Variants in ALAS1 observed in about 807,000 individuals in gnomAD.
ALAS1 encodes the protein 5-aminolevulinate synthase, non-specific, mitochondrial.
A neutral mutation model predicts 59.6 loss-of-function variants in ALAS1; 29 were observed. The observed-to-expected ratio is 0.49, with a 90% CI of 0.36 to 0.66. ALAS1 has a LOEUF of 0.66. Among genes scored for constraint, ALAS1 ranks in the 30% least tolerant of loss-of-function variants. ALAS1 has a pLI of 0.00. For missense variants in ALAS1, 690 were observed against 807.5 expected (o/e 0.85, Z 1.76); for synonymous variants, 299 against 296.6 (o/e 1.01, Z -0.08).
At chr3:52,200,845 C>T (rs190077748) in intron 3 of ALAS1, among the ~76,000 whole-genome samples, 93 of 152,124 alleles carry the variant, frequency 6.1e-4, no homozygotes, top group Middle Eastern at 3.4e-3. Context: ...TTTTCTTAGG[C>T]GTGTTCTCTG....
chr3:52,206,895 T>G (rs183372382), intron 8 of ALAS1, 144 bp downstream of exon 8: 8 of 869,292 alleles, frequency 9.2e-6, no homozygotes. Context: ...AGTGCAGTGG[T>G]GCGATCTCGA....
intron 9 of ALAS1, among the ~76,000 whole-genome samples, chr3:52,209,972 ACCTGG>A (rs745738035): frequency 2.4e-4 from 36 of 152,284 alleles, no homozygotes; most frequent in Non-Finnish European, 4.0e-4. Flanking sequence ...GAGCCACTGC[ACCTGG>A]CCTCTTCTGG....
In ALAS1 at chr3:52,204,845, C is replaced by A. The variant is rs772639657; in HGVS notation, c.730C>A (p.Gln244Lys). 6.2e-7 allele frequency: 1 copy of A among 1,614,170 alleles called. No individual in the cohort carries two copies. Among genetic ancestry groups the A allele is most frequent in the Non-Finnish European group, 8.5e-7 (1 of 1,180,018 alleles). Residue 244 changes from glutamine to lysine, a missense_variant, in exon 6 of 12, where the codon CAA becomes AAA. Physicochemically the swap from Gln to Lys is moderately conservative, Grantham distance 53 (BLOSUM62 1). Transcript: ENST00000484952. ...DYSDSLITKK[Q>K]VSVWCSNDYL... ...TTCAGACTCCCTCATCACCAAAAAGCAAGTGTCAGTCTGGTGCAGTAATGA... is the reference window on the plus strand; with the variant it reads ...TTCAGACTCCCTCATCACCAAAAAGAAAGTGTCAGTCTGGTGCAGTAATGA...
rs771454351 is a variant in ALAS1, at chr3:52,208,215, T to C, written c.1298T>C (p.Met433Thr). 6.2e-7 allele frequency: 1 copy of C among 1,614,196 alleles called. No homozygotes were observed. The highest frequency in any genetic ancestry group is 8.5e-7 in the Non-Finnish European group (1 of 1,180,020). ...GGGATTGGGGATCGGGATGGAGTCA[T>C]GCCAAAAATGGACATCATTTCTGGA... Reference protein sequence around the residue: ...GGGIGDRDGVMPKMDIISGTL... With the variant: ...GGGIGDRDGVTPKMDIISGTL... The change falls in exon 9 of 12, where the codon ATG (methionine) becomes ACG (threonine). Residue 433 changes from methionine (M) to threonine (T), a missense_variant. Physicochemically the swap from Met to Thr is moderately conservative, Grantham distance 81. Coordinates refer to ENST00000484952, the MANE Select transcript of ALAS1 (RefSeq NM_000688.6).
intron 9 of ALAS1, among the ~76,000 whole-genome samples, chr3:52,208,491 C>A (rs1453662915): frequency 1.3e-5 from 2 of 152,196 alleles, no homozygotes; most frequent in East Asian, 1.9e-4. Flanking sequence ...TCATTTCAGA[C>A]ATAGTTGTGG....
rs926277816 is a variant in ALAS1, at chr3:52,199,236, C to T, written c.-6C>T. 2 of 1,614,086 alleles carry T rather than the reference C, an allele frequency of 1.2e-6. No homozygotes were observed. The highest frequency in any genetic ancestry group is 1.3e-5 in the African/African-American group (1 of 74,932). On this transcript the variant is annotated 5_prime_UTR_variant, in exon 3 of 12. Coordinates refer to ENST00000484952, the MANE Select transcript of ALAS1 (RefSeq NM_000688.6). ...CTTTCCACAGGAGCCAGCATACTTC[C>T]TGAACATGGAGAGTGTTGTTCGCCG...
At chr3:52,213,918 T>C (rs1235945785) in intron 11 of ALAS1, 102 bp from the exon 12 acceptor site, 5 of 1,064,544 alleles carry the variant, frequency 4.7e-6, no homozygotes, top group Non-Finnish European at 6.8e-6. Context: ...TTATGAATAA[T>C]GCTGCTATGA....
intron 6 of ALAS1, 81 bp downstream of exon 6, chr3:52,204,996 G>T: frequency 8.2e-7 from 1 of 1,212,996 alleles, no homozygotes. Context: ...ATCTTTTATG[G>T]AGGGAACATT....
intron 9 of ALAS1, among the ~76,000 whole-genome samples, chr3:52,210,789 A>G (rs1184676467): frequency 1.3e-5 from 2 of 152,116 alleles, no homozygotes; most frequent in Admixed American, 1.3e-4. Context: ...TAAAAAAAAA[A>G]GGAAGATTAG....
intron 3 of ALAS1, among the ~76,000 whole-genome samples, chr3:52,200,454 T>C (rs957228589): frequency 6.6e-6 from 1 of 152,210 alleles, no homozygotes; most frequent in Non-Finnish European, 1.5e-5. Flanking sequence ...CAAATTTATC[T>C]TGGCTGTGTG....
chr3:52,208,226 G>C lies in ALAS1; in HGVS notation c.1309G>C (p.Asp437His). 6.2e-7 allele frequency: 1 copy of C among 1,614,158 alleles called. No individual in the cohort carries two copies. The highest frequency in any genetic ancestry group is 8.5e-7 in the Non-Finnish European group (1 of 1,180,002). The change falls in exon 9 of 12, where the codon GAC becomes CAC. Residue 437 changes from aspartate to histidine, a missense_variant. Coordinates refer to ENST00000484952, the MANE Select transcript of ALAS1 (RefSeq NM_000688.6). ...GDRDGVMPKM[D>H]IISGTLGKAF... Reference sequence around the variant, plus strand: ...TCGGGATGGAGTCATGCCAAAAATGGACATCATTTCTGGAACACTTGGTAT... The same window carrying C: ...TCGGGATGGAGTCATGCCAAAAATGCACATCATTTCTGGAACACTTGGTAT...
intron 11 of ALAS1, 27 bp downstream of exon 11, chr3:52,212,447 C>T (rs778698812): frequency 1.2e-6 from 2 of 1,613,298 alleles, no homozygotes; most frequent in Non-Finnish European, 8.5e-7. Context: ...CTGCTGGTGC[C>T]TCACTGAGGA....
chr3:52,203,065 GT>G (rs1362127414), intron 4 of ALAS1, among the ~76,000 whole-genome samples: 1 of 152,102 alleles, frequency 6.6e-6, no homozygotes, highest in Non-Finnish European at 1.5e-5. Context: ...GAAAATAATG[GT>G]TTTACTGCAG....
chr3:52,201,042 A>G (rs1020001663), intron 3 of ALAS1, among the ~76,000 whole-genome samples: 10 of 152,204 alleles, frequency 6.6e-5, no homozygotes, highest in African/African-American at 2.4e-4. Context: ...TTTATAATAA[A>G]TGAAATTAAC....
At chr3:52,202,881 T>C in intron 4 of ALAS1, 147 bp downstream of exon 4, 1 of 777,388 alleles carries the variant, frequency 1.3e-6, no homozygotes, top group Non-Finnish European at 2.1e-6. Flanking sequence ...GTCTTCAAGA[T>C]AGACAGTCAA....
chr3:52,212,528 C>A, intron 11 of ALAS1, 108 bp downstream of exon 11: 1 of 1,417,776 alleles, frequency 7.1e-7, no homozygotes, highest in Non-Finnish European at 9.8e-7. Flanking sequence ...GTTTCTTCTT[C>A]TTTTTTTAGT....
At position 52,201,124 on chromosome 3, in the gene ALAS1, GT is replaced by G. The variant is rs546681057; in HGVS notation, c.200-1381del. 1.6e-4 allele frequency among the ~76,000 whole-genome samples: 25 copies of G among 152,270 alleles called. No individual in the cohort carries two copies. The Middle Eastern group carries it at 0.01, about 62-fold the overall frequency. On this transcript the variant is annotated intron_variant, in intron 3 of 11. Coordinates refer to ENST00000484952, the MANE Select transcript of ALAS1 (RefSeq NM_000688.6). ...AACTGTATTGAGACACTTTACCCAA[GT>G]TATAGGAAAGGCTAGCCAGTGACTC...
intron 4 of ALAS1, 74 bp from the exon 5 acceptor site, chr3:52,203,789 C>T: frequency 6.8e-7 from 1 of 1,474,446 alleles, no homozygotes; most frequent in South Asian, 1.4e-5. Flanking sequence ...CCATTTTTGA[C>T]AATATGTTTG....
chr3:52,205,712 G>T, intron 6 of ALAS1, 127 bp from the exon 7 acceptor site: 1 of 897,172 alleles, frequency 1.1e-6, no homozygotes, highest in Non-Finnish European at 1.6e-6. Context: ...CTGACCCCAG[G>T]TTTCACAGTG....
Sources: gnomAD v4.1 joint callset for allele counts (sites outside exome capture counted in the v4.1 genomes callset) on GRCh38, gnomAD v4.1.1 for gene constraint, MANE v1.5 for transcripts, NCBI Gene and HGNC (gene_info 2026-07-23, HGNC 2026-07-21) for gene names.